The following SLC5A9 variants were observed in gnomAD, a reference collection of about 807,000 sequenced individuals.
SLC5A9 encodes solute carrier family 5 member 9.
A neutral mutation model predicts 70.9 loss-of-function variants in SLC5A9; 59 were observed. The ratio of observed to expected loss-of-function variants is 0.83; its 90% CI spans 0.68 to 1.03. The LOEUF is 1.03. Among genes scored for constraint, SLC5A9 ranks in the 50% least tolerant of loss-of-function variants. The pLI, the probability that SLC5A9 is intolerant of heterozygous loss-of-function variation, is 0.00. For synonymous variants in SLC5A9, 340 were observed against 346.5 expected (o/e 0.98, Z 0.21); for missense variants, 832 against 881.1 (o/e 0.94, Z 0.71).
chr1:48,225,354 C>A (rs1350348607), intron 2 of SLC5A9, among the ~76,000 whole-genome samples: 1 of 151,432 alleles, frequency 6.6e-6, no homozygotes, highest in Non-Finnish European at 1.5e-5. Flanking sequence ...TCAAGCCACA[C>A]CACATTTCTA....
At chr1:48,246,436 A>C (rs1205134627) in intron 13 of SLC5A9, among the ~76,000 whole-genome samples, 1 of 152,232 alleles carries the variant, frequency 6.6e-6, no homozygotes, top group Non-Finnish European at 1.5e-5. Flanking sequence ...TTAAAATAAT[A>C]AAGCAATCAT....
Position 48,222,986 on chromosome 1 carries a change from G to A in SLC5A9, c.162+88G>A, listed in dbSNP as rs568876282. The A allele has an allele frequency of 1.4e-5, 19 of 1,328,116 alleles. No homozygotes were observed. In the Admixed American group the frequency reaches 2.8e-4, roughly 19 times the overall value. 82.3% of individuals were successfully genotyped at this position (1,328,116 alleles called of 1,614,324 possible). On this transcript the variant is annotated intron_variant, in intron 1 of 13. Transcript: ENST00000438567. ...GGCTGTGGAGCTGGGGCAGGGCTAG[G>A]CAGAAAGAAGCAGATCATAGAACCA...
intron 2 of SLC5A9, 161 bp from the exon 3 acceptor site, chr1:48,228,689 C>T: frequency 1.7e-6 from 2 of 1,202,756 alleles, no homozygotes; most frequent in South Asian, 1.6e-5. Flanking sequence ...ACTAATACCC[C>T]TCCCTGCGGA....
In SLC5A9 at chr1:48,229,301, T is replaced by C; in HGVS notation, c.346T>C (p.Trp116Arg). 1.9e-6 allele frequency: 3 copies of C among 1,614,188 alleles called. No homozygotes were observed. Among genetic ancestry groups the C allele is most frequent in the Non-Finnish European group, 2.5e-6 (3 of 1,180,022 alleles). ...CTTCTCCCCACTCTCCCAGGCAACC[T>C]GGCTGCTCCTGGCCCTTGGCTGGGT... The part of the protein sequence containing the change: ...AVGGFEWNAT[W>R]LLLALGWVFV... The change falls in exon 4 of 14, where the codon TGG (tryptophan) becomes CGG (arginine). Residue 116 changes from tryptophan to arginine, a missense_variant. Coordinates refer to ENST00000438567, the MANE Select transcript of SLC5A9 (RefSeq NM_001011547.3).
chr1:48,247,212 C>G (rs764001021), intron 13 of SLC5A9, 123 bp from the exon 14 acceptor site: 3 of 875,164 alleles, frequency 3.4e-6, no homozygotes, highest in Admixed American at 4.4e-5. Context: ...GTGCACCCCC[C>G]ATACTTTCCA....
chr1:48,227,055 G>A (rs116027962), intron 2 of SLC5A9, among the ~76,000 whole-genome samples: 393 of 151,914 alleles, frequency 2.6e-3, no homozygotes, highest in African/African-American at 8.7e-3. Flanking sequence ...TGTGCTTTGC[G>A]AATGTATGTG....
rs1185764183 is a variant in SLC5A9, at chr1:48,247,831, A to T, written c.*288A>T. Reference sequence around the variant, plus strand: ...GACCTACCTCAAACACACTGTTTCCACCCTCTTCTTGAATGTATTCAGTAG... The same window carrying T: ...GACCTACCTCAAACACACTGTTTCCTCCCTCTTCTTGAATGTATTCAGTAG... On this transcript the variant is annotated 3_prime_UTR_variant, in exon 14 of 14. Coordinates refer to ENST00000438567, the MANE Select transcript of SLC5A9 (RefSeq NM_001011547.3). 1 of 454,610 alleles carries T rather than the reference A, an allele frequency of 2.2e-6. No individual in the cohort carries two copies. Among genetic ancestry groups the T allele is most frequent in the African/African-American group, 1.9e-5 (1 of 51,378 alleles). 28.2% of individuals were successfully genotyped at this position (454,610 alleles called of 1,614,324 possible).
intron 5 of SLC5A9, 21 bp from the exon 6 acceptor site, chr1:48,231,524 G>C: frequency 6.2e-7 from 1 of 1,613,162 alleles, no homozygotes; most frequent in Non-Finnish European, 8.5e-7. Flanking sequence ...TGACTGATGA[G>C]CCCTCTCCTT....
At chr1:48,226,565 G>A (rs957118599) in intron 2 of SLC5A9, among the ~76,000 whole-genome samples, 7 of 152,224 alleles carry the variant, frequency 4.6e-5, no homozygotes, top group African/African-American at 7.2e-5. Context: ...CTCTGGGTAG[G>A]GAAAGCTCAG....
chr1:48,233,850 A>T, intron 9 of SLC5A9, 88 bp downstream of exon 9: 1 of 937,774 alleles, frequency 1.1e-6, no homozygotes, highest in Non-Finnish European at 1.7e-6. Context: ...ACTAACATGG[A>T]TGGGAAGAGG....
intron 9 of SLC5A9, 138 bp from the exon 10 acceptor site, chr1:48,235,591 G>A: frequency 1.1e-6 from 1 of 948,240 alleles, no homozygotes; most frequent in Non-Finnish European, 1.6e-6. Flanking sequence ...GTGCTGGATG[G>A]GAGCCTCATC....
At chr1:48,229,744 T>C (rs1307813116) in intron 4 of SLC5A9, among the ~76,000 whole-genome samples, 1 of 152,228 alleles carries the variant, frequency 6.6e-6, no homozygotes. Flanking sequence ...TCATCAACTG[T>C]ACATTAGTTG....
chr1:48,231,173 G>C (rs539885172), intron 5 of SLC5A9, among the ~76,000 whole-genome samples: 1 of 152,252 alleles, frequency 6.6e-6, no homozygotes, highest in East Asian at 1.9e-4. Flanking sequence ...GTTAAGTTGG[G>C]GTCCAGAGAC....
chr1:48,229,583 G>C, intron 4 of SLC5A9, 124 bp downstream of exon 4: 1 of 1,489,416 alleles, frequency 6.7e-7, no homozygotes, highest in Non-Finnish European at 9.0e-7. Flanking sequence ...AGGAAAGCAG[G>C]ACCTATAAAC....
At chr1:48,241,712 C>G (rs1644392478) in intron 12 of SLC5A9, among the ~76,000 whole-genome samples, 1 of 151,818 alleles carries the variant, frequency 6.6e-6, no homozygotes, top group African/African-American at 2.4e-5. Flanking sequence ...TTCTCTCTCT[C>G]TCTCTCTCTC....
chr1:48,242,339 G>C (rs767333403), intron 12 of SLC5A9, 118 bp from the exon 13 acceptor site: 40 of 1,233,196 alleles, frequency 3.2e-5, no homozygotes, highest in Non-Finnish European at 4.5e-5. Flanking sequence ...CCCAGCCCTG[G>C]CCTTGTTCTT....
At chr1:48,235,213 G>A (rs1349427757) in intron 9 of SLC5A9, among the ~76,000 whole-genome samples, 1 of 152,150 alleles carries the variant, frequency 6.6e-6, no homozygotes, top group Admixed American at 6.5e-5. Flanking sequence ...TACTTGCAGA[G>A]CCAGGAAATA....
intron 13 of SLC5A9, among the ~76,000 whole-genome samples, chr1:48,245,077 T>TTA (rs56697202): frequency 0.037 from 5,206 of 140,342 alleles, 186 homozygotes; most frequent in East Asian, 0.22. Flanking sequence ...CCTGAGACTT[T>TTA]TATATATATA....
chr1:48,229,702 T>C (rs1644220782), intron 4 of SLC5A9: 3 of 552,852 alleles, frequency 5.4e-6, no homozygotes, highest in East Asian at 3.2e-5. Flanking sequence ...CCAGAGTTCA[T>C]TCATTTATTT....
Sources: gnomAD v4.1 joint callset for allele counts (sites outside exome capture counted in the v4.1 genomes callset) on GRCh38, gnomAD v4.1.1 for gene constraint, MANE v1.5 for transcripts, NCBI Gene and HGNC (gene_info 2026-07-23, HGNC 2026-07-21) for gene names.